The following CPA6 variants were observed in gnomAD, a reference collection of about 807,000 sequenced individuals.
The protein encoded by CPA6 is carboxypeptidase A6, also known as carboxypeptidase B.
Under a neutral mutation model 63.3 loss-of-function variants are expected in CPA6, and 58 were observed. The observed-to-expected ratio is 0.92, with a 90% CI of 0.74 to 1.14. The LOEUF is 1.14. Ranked by LOEUF, CPA6 falls within the 50% of genes most tolerant of loss-of-function variation. The pLI is 0.00. For missense variants in CPA6, 565 were observed against 526.6 expected (o/e 1.07, Z -0.71); for synonymous variants, 185 against 179.0 (o/e 1.03, Z -0.27).
intron 2 of CPA6, among the ~76,000 whole-genome samples, chr8:67,557,664 C>T (rs1813095732): frequency 6.6e-6 from 1 of 152,200 alleles, no homozygotes; most frequent in Admixed American, 6.5e-5. Context: ...CCAGTATCAG[C>T]CAGTGCCCCC....
chr8:67,653,743 C>T (rs1442633183), intron 1 of CPA6, among the ~76,000 whole-genome samples: 1 of 152,010 alleles, frequency 6.6e-6, no homozygotes, highest in Non-Finnish European at 1.5e-5. Context: ...TTTCCTTCTC[C>T]TGCCTAATTG....
intron 8 of CPA6, among the ~76,000 whole-genome samples, chr8:67,466,060 G>A (rs533971560): frequency 6.8e-6 from 1 of 147,286 alleles, no homozygotes; most frequent in South Asian, 2.2e-4. Context: ...GAATGTAGCT[G>A]TGGATTCATC....
At chr8:67,735,894 C>A (rs1817803423) in intron 1 of CPA6, among the ~76,000 whole-genome samples, 1 of 152,152 alleles carries the variant, frequency 6.6e-6, no homozygotes, top group Admixed American at 6.5e-5. Flanking sequence ...CCTCTGCAGC[C>A]TTCCCTCCCC....
chr8:67,449,243 C>T (rs531019696), intron 8 of CPA6, among the ~76,000 whole-genome samples: 8 of 152,226 alleles, frequency 5.3e-5, no homozygotes, highest in Admixed American at 3.9e-4. Flanking sequence ...CACAGCGAGA[C>T]TGTCTCAAAA....
chr8:67,740,722 A>G (rs1040361813), intron 1 of CPA6, among the ~76,000 whole-genome samples: 1 of 151,986 alleles, frequency 6.6e-6, no homozygotes, highest in South Asian at 2.1e-4. Flanking sequence ...GGTGCATGCT[A>G]CCACGCCTGG....
intron 8 of CPA6, among the ~76,000 whole-genome samples, chr8:67,480,321 C>T (rs933664419): frequency 3.3e-5 from 5 of 151,910 alleles, no homozygotes; most frequent in Admixed American, 3.3e-4. Flanking sequence ...CAAAAGAAAC[C>T]CCTTACCCCT....
chr8:67,433,040 G>A (rs958945982), intron 9 of CPA6, among the ~76,000 whole-genome samples: 7 of 152,226 alleles, frequency 4.6e-5, no homozygotes, highest in African/African-American at 1.7e-4. Flanking sequence ...GGACACCCAA[G>A]TGGTGTTGGA....
chr8:67,604,758 G>A (rs1316208671), intron 2 of CPA6, among the ~76,000 whole-genome samples: 1 of 151,682 alleles, frequency 6.6e-6, no homozygotes, highest in African/African-American at 2.4e-5. Flanking sequence ...AATCTGTGGA[G>A]GTTCTATCAA....
chr8:67,733,274 T>C lies in CPA6; in HGVS notation c.116+12740A>G, dbSNP rs184821192. On this transcript the variant is annotated intron_variant, in intron 1 of 10. Transcript: ENST00000297770. ...TGGAGGGCTTGTTAAGCCCGACTGCTGGGCCCCACCCCCAGAACTCCTGAT... is the reference window on the plus strand; with the variant it reads ...TGGAGGGCTTGTTAAGCCCGACTGCCGGGCCCCACCCCCAGAACTCCTGAT... Among the ~76,000 whole-genome samples, 11 of 146,076 alleles carry C rather than the reference T, an allele frequency of 7.5e-5. No homozygotes were observed. The East Asian group carries it at 2.1e-3, about 28-fold the overall frequency.
At chr8:67,435,164 G>A (rs529304642) in intron 8 of CPA6, among the ~76,000 whole-genome samples, 2 of 152,350 alleles carry the variant, frequency 1.3e-5, no homozygotes, top group South Asian at 2.1e-4. Context: ...AGAGAGCACA[G>A]TGGGCCATGG....
chr8:67,590,350 A>C (rs1274923178), intron 2 of CPA6, among the ~76,000 whole-genome samples: 107 of 151,604 alleles, frequency 7.1e-4, no homozygotes, highest in African/African-American at 2.4e-3. Context: ...CAATAAACAT[A>C]CGTGTGCATG....
intron 2 of CPA6, among the ~76,000 whole-genome samples, chr8:67,621,594 A>G (rs1300906439): frequency 1.3e-5 from 2 of 152,250 alleles, no homozygotes; most frequent in African/African-American, 4.8e-5. Context: ...TTCTTCTGTA[A>G]AACAGCAATA....
chr8:67,728,864 C>A lies in CPA6; in HGVS notation c.116+17150G>T, dbSNP rs571041867. Among the ~76,000 whole-genome samples the A allele has an allele frequency of 3.2e-4, 49 of 152,284 alleles. 1 individual carries two copies. The highest frequency in any genetic ancestry group is 1.2e-3 in the African/African-American group (49 of 41,562). On this transcript the variant is annotated intron_variant, in intron 1 of 10. Coordinates refer to ENST00000297770, the MANE Select transcript of CPA6 (RefSeq NM_020361.5). ...TGAGGATGGAGCTGGTGGTCCGAAC[C>A]TTTATTTTGCATGGATTCTCTAACC...
chr8:67,472,958 A>G (rs1234107888), intron 8 of CPA6, among the ~76,000 whole-genome samples: 2 of 152,222 alleles, frequency 1.3e-5, no homozygotes, highest in Non-Finnish European at 2.9e-5. Flanking sequence ...TTGTTACAAA[A>G]AAGTCATTTT....
At chr8:67,459,894 GGCT>G (rs1455016390) in intron 8 of CPA6, among the ~76,000 whole-genome samples, 3 of 152,158 alleles carry the variant, frequency 2.0e-5, no homozygotes, top group Non-Finnish European at 4.4e-5. Flanking sequence ...TCCTGCTGGG[GGCT>G]GTTGACAATG....
At chr8:67,544,769 A>C (rs148130239) in intron 2 of CPA6, among the ~76,000 whole-genome samples, 86 of 152,294 alleles carry the variant, frequency 5.6e-4, no homozygotes, top group Non-Finnish European at 9.4e-4. Context: ...CGTACAACTT[A>C]AACTTTCTTC....
At position 67,679,846 on chromosome 8, in the gene CPA6, G is replaced by A. The variant is rs183386238; in HGVS notation, c.117-55595C>T. 5.0e-3 allele frequency among the ~76,000 whole-genome samples: 758 copies of A among 152,280 alleles called. 5 individuals are homozygous for A. Among genetic ancestry groups the A allele is most frequent in the Middle Eastern group, 0.02 (6 of 294 alleles). On this transcript the variant is annotated intron_variant, in intron 1 of 10. Coordinates refer to ENST00000297770, the MANE Select transcript of CPA6 (RefSeq NM_020361.5). Reference sequence around the variant, plus strand: ...GATTCAAGGATGTTAGGACTTGATTGTCTCACTTCCTCTGTTAGTGGTGCA... The same window carrying A: ...GATTCAAGGATGTTAGGACTTGATTATCTCACTTCCTCTGTTAGTGGTGCA...
intron 6 of CPA6, among the ~76,000 whole-genome samples, chr8:67,500,974 T>C (rs1187245314): frequency 1.3e-5 from 2 of 152,140 alleles, no homozygotes; most frequent in Admixed American, 6.6e-5. Context: ...GTATATAGTA[T>C]GTCTTGAAAT....
At chr8:67,614,055 A>G (rs1814878231) in intron 2 of CPA6, among the ~76,000 whole-genome samples, 1 of 151,878 alleles carries the variant, frequency 6.6e-6, no homozygotes, top group Non-Finnish European at 1.5e-5. Flanking sequence ...GTGTGACCCA[A>G]TTTTTCTGGG....
Sources: gnomAD v4.1 joint callset for allele counts (sites outside exome capture counted in the v4.1 genomes callset) on GRCh38, gnomAD v4.1.1 for gene constraint, MANE v1.5 for transcripts, NCBI Gene and HGNC (gene_info 2026-07-23, HGNC 2026-07-21) for gene names.